ITGB1BP1: variants seen among roughly 807,000 people sequenced by gnomAD.
ITGB1BP1 encodes the protein integrin beta-1-binding protein 1.
In ITGB1BP1, 20 loss-of-function variants were observed where a neutral mutation model predicts 28.0. The ratio of observed to expected loss-of-function variants is 0.71; its 90% CI spans 0.50 to 1.04. The LOEUF is 1.04. ITGB1BP1 is among the 50% of genes least tolerant of loss of function. The pLI is 0.00. For missense variants in ITGB1BP1, 228 were observed against 242.5 expected (o/e 0.94, Z 0.40); for synonymous variants, 103 against 89.5 (o/e 1.15, Z -0.85).
rs1470863108 is a variant in ITGB1BP1, at chr2:9,407,665, C to T, written c.382-67G>A. ...AATGTTTGTCAGTCCTGATGACACA[C>T]CCTCCCAGGCAGAGTGAGGCTTGAA... On this transcript the variant is annotated intron_variant, in intron 5 of 6. Coordinates refer to ENST00000355346, the MANE Select transcript of ITGB1BP1 (RefSeq NM_004763.5). 1.5e-5 allele frequency: 24 copies of T among 1,562,382 alleles called. No homozygotes were observed. The East Asian group carries it at 2.0e-4, about 13-fold the overall frequency.
chr2:9,407,384 A>G (rs1394054236), intron 6 of ITGB1BP1, 65 bp downstream of exon 6: 2 of 1,565,970 alleles, frequency 1.3e-6, no homozygotes, highest in Middle Eastern at 1.7e-4. Flanking sequence ...CAGCCTTCAA[A>G]AACAGTAGTC....
chr2:9,421,924 C>T (rs2148920519), intron 1 of ITGB1BP1, among the ~76,000 whole-genome samples: 1 of 152,210 alleles, frequency 6.6e-6, no homozygotes, highest in East Asian at 1.9e-4. Context: ...AATCTGGCAC[C>T]AAGACCCACT....
Position 9,405,628 on chromosome 2 carries a change from TC to T in ITGB1BP1, c.*1205del, listed in dbSNP as rs1281752016. The stretch of plus-strand genomic sequence containing the variant: ...AGAGCATGTTTAATAAGTTTACTCT[TC>T]TTGTTAACTAGTCATTTGACTGGAA... On this transcript the variant is annotated 3_prime_UTR_variant, in exon 7 of 7. Transcript: ENST00000355346. 6.6e-6 allele frequency: 1 copy of T among 152,642 alleles called. No homozygotes were observed. The highest frequency in any genetic ancestry group is 1.9e-4 in the East Asian group (1 of 5,204). The allele number at this position is 152,642 out of a possible 1,614,324, so 9.5% of individuals were successfully genotyped here.
chr2:9,410,084 A>T (rs1678149768), intron 4 of ITGB1BP1, among the ~76,000 whole-genome samples: 1 of 152,000 alleles, frequency 6.6e-6, no homozygotes, highest in African/African-American at 2.4e-5. Context: ...TGACCTCATG[A>T]TTCACCCACC....
rs112706460 is a variant in ITGB1BP1, at chr2:9,406,359, G to A, written c.*475C>T. 4 of 1,042 alleles carry A rather than the reference G, an allele frequency of 3.8e-3. No individual in the cohort carries two copies. Among genetic ancestry groups the A allele is most frequent in the African/African-American group, 0.037 (3 of 80 alleles). 0.1% of individuals were successfully genotyped at this position (1,042 alleles called of 1,614,324 possible). On this transcript the variant is annotated 3_prime_UTR_variant, in exon 7 of 7. Coordinates refer to ENST00000355346, the MANE Select transcript of ITGB1BP1 (RefSeq NM_004763.5). ...ACATCTAGTCTTCCTCAGGCCTTCA[G>A]TGTGTGTTTGTCACTGAGTGGACCT... is the stretch of plus-strand genomic sequence containing the variant.
rs1217128743 is a variant in ITGB1BP1 at position 9,415,917 on chromosome 2, C to T, written c.73-1661G>A. Among the ~76,000 whole-genome samples the T allele has an allele frequency of 6.6e-6, 1 of 152,152 alleles. No individual in the cohort carries two copies. Among genetic ancestry groups the T allele is most frequent in the African/African-American group, 2.4e-5 (1 of 41,422 alleles). On this transcript the variant is annotated intron_variant, in intron 2 of 6. Transcript: ENST00000355346. The surrounding 1 kb of genome is among the most constrained non-coding windows in gnomAD (Gnocchi z 4.1). Reference sequence around the variant, plus strand: ...CGTGGCACATGTGGCACATGGGAGGCCCGGCAGGCACCCGGGATGAAAGGT... The same window carrying T: ...CGTGGCACATGTGGCACATGGGAGGTCCGGCAGGCACCCGGGATGAAAGGT...
Position 9,407,666 on chromosome 2 carries a change from C to T in ITGB1BP1, c.382-68G>A. On this transcript the variant is annotated intron_variant, in intron 5 of 6. Transcript: ENST00000355346. The stretch of plus-strand genomic sequence containing the variant: ...ATGTTTGTCAGTCCTGATGACACAC[C>T]CTCCCAGGCAGAGTGAGGCTTGAAA... 5 of 1,556,856 alleles carry T rather than the reference C, an allele frequency of 3.2e-6. No individual in the cohort carries two copies. In the South Asian group the frequency reaches 4.6e-5, roughly 14 times the overall value.
rs946177371 is a variant in ITGB1BP1, at chr2:9,405,698, T to C, written c.*1136A>G. On this transcript the variant is annotated 3_prime_UTR_variant, in exon 7 of 7. Transcript: ENST00000355346. ...AATGGACATGGTTTTATTTTTAATGTTTTTAATCTTTAAAGTTTTGTATAT... is the reference window on the plus strand; with the variant it reads ...AATGGACATGGTTTTATTTTTAATGCTTTTAATCTTTAAAGTTTTGTATAT... The C allele has an allele frequency of 6.6e-6, 1 of 152,380 alleles. No individual in the cohort carries two copies. The highest frequency in any genetic ancestry group is 1.5e-5 in the Non-Finnish European group (1 of 68,046). The allele number at this position is 152,380 out of a possible 1,614,324, so 9.4% of individuals were successfully genotyped here.
intron 4 of ITGB1BP1, 47 bp from the exon 5 acceptor site, chr2:9,408,252 TAGTCTTA>T (rs1558421697): frequency 8.6e-7 from 1 of 1,167,892 alleles, no homozygotes; most frequent in Non-Finnish European, 1.3e-6. Flanking sequence ...AATTACATAA[TAGTCTTA>T]AGTCTGACTA....
chr2:9,404,640 A>G lies in ITGB1BP1; in HGVS notation c.*2194T>C, dbSNP rs1677044154. Reference sequence around the variant, plus strand: ...AAAGTAAAGGAATAAATTTGCATATAGGCTTGGAAAGTGAGGCAGCAATGC... The same window carrying G: ...AAAGTAAAGGAATAAATTTGCATATGGGCTTGGAAAGTGAGGCAGCAATGC... On this transcript the variant is annotated 3_prime_UTR_variant, in exon 7 of 7. Coordinates refer to ENST00000355346, the MANE Select transcript of ITGB1BP1 (RefSeq NM_004763.5). 6.6e-6 allele frequency: 1 copy of G among 152,614 alleles called. No individual in the cohort carries two copies. The highest frequency in any genetic ancestry group is 6.5e-5 in the Admixed American group (1 of 15,278). 9.5% of individuals were successfully genotyped at this position (152,614 alleles called of 1,614,324 possible). A position where few individuals can be genotyped will look rare whatever the true frequency, so the allele number is the denominator to read the frequency against.
intron 3 of ITGB1BP1, among the ~76,000 whole-genome samples, chr2:9,412,968 C>T (rs1265366327): frequency 6.6e-6 from 1 of 152,292 alleles, no homozygotes; most frequent in East Asian, 1.9e-4. Context: ...TTTTTAATGT[C>T]GATGGAATAA....
rs529873290 is a variant in ITGB1BP1, at chr2:9,415,073, G to A, written c.73-817C>T. ...AGCCTGGCCAACATGGTGAAACCCC[G>A]TCTCTACTTAAAAAAAAAAATATGG... is the stretch of plus-strand genomic sequence containing the variant. On this transcript the variant is annotated intron_variant, in intron 2 of 6. Transcript: ENST00000355346. This position sits in a 1 kb window ranked among gnomAD's most constrained non-coding sequence, Gnocchi z 4.1. Among the ~76,000 whole-genome samples the A allele has an allele frequency of 5.9e-4, 89 of 151,214 alleles. No homozygotes were observed. Among genetic ancestry groups the A allele is most frequent in the African/African-American group, 1.9e-3 (77 of 41,172 alleles).
At chr2:9,421,686 C>CAAAAAA (rs200781388) in intron 1 of ITGB1BP1, among the ~76,000 whole-genome samples, 1 of 78,780 alleles carries the variant, frequency 1.3e-5, no homozygotes, top group African/African-American at 4.3e-5. Context: ...GACTCCGTCT[C>CAAAAAA]AAAAAAAAAA....
intron 1 of ITGB1BP1, chr2:9,422,897 T>G: frequency 1.0e-6 from 1 of 986,258 alleles, no homozygotes; most frequent in Non-Finnish European, 1.2e-6. Context: ...TAAGGACGGA[T>G]GCGGCCAAGC....
chr2:9,408,086 G>T, intron 5 of ITGB1BP1, 27 bp downstream of exon 5: 1 of 1,242,284 alleles, frequency 8.0e-7, no homozygotes, highest in African/African-American at 1.5e-5. Context: ...CTAAAACATA[G>T]TTTTCTTAAT....
At chr2:9,413,590 G>A (rs1558430606) in intron 3 of ITGB1BP1, among the ~76,000 whole-genome samples, 3 of 152,046 alleles carry the variant, frequency 2.0e-5, no homozygotes, top group Non-Finnish European at 4.4e-5. Flanking sequence ...TTGGACCCCC[G>A]AAGTGCTGGG....
Position 9,412,296 on chromosome 2 carries a change from G to T in ITGB1BP1, c.261C>A (p.Asp87Glu). ...SEGKGLEGPL[D>E]LINYIDVAQQ... Reference sequence around the variant, plus strand: ...GGGCAACGTCTATATAATTTATCAGGTCTAATGGCCCTTCAAGGCCTTTTC... The same window carrying T: ...GGGCAACGTCTATATAATTTATCAGTTCTAATGGCCCTTCAAGGCCTTTTC... Residue 87 changes from aspartate (D) to glutamate (E), a missense_variant, in exon 4 of 7, where the codon GAC (aspartate) becomes GAA (glutamate). Physicochemically the swap from Asp to Glu is conservative, Grantham distance 45. Coordinates refer to ENST00000355346, the MANE Select transcript of ITGB1BP1 (RefSeq NM_004763.5). The T allele has an allele frequency of 1.2e-6, 2 of 1,611,798 alleles. No individual in the cohort carries two copies. The highest frequency in any genetic ancestry group is 1.7e-6 in the Non-Finnish European group (2 of 1,178,908).
At chr2:9,414,277 T>C in intron 2 of ITGB1BP1, 21 bp from the exon 3 acceptor site, 1 of 1,597,370 alleles carries the variant, frequency 6.3e-7, no homozygotes, top group Non-Finnish European at 8.6e-7. Flanking sequence ...GAAAAACAAG[T>C]AAAAAACCTC....
intron 1 of ITGB1BP1, among the ~76,000 whole-genome samples, chr2:9,419,461 T>C (rs11690247): frequency 0.19 from 29,239 of 152,146 alleles, 3,004 homozygotes; most frequent in Middle Eastern, 0.3. Context: ...TGCATTTTTC[T>C]TGAAGTTTTG....
Sources: gnomAD v4.1 joint callset for allele counts (sites outside exome capture counted in the v4.1 genomes callset) on GRCh38, gnomAD v4.1.1 for gene constraint, Gnocchi (gnomAD v3.1) non-coding constraint, MANE v1.5 for transcripts, NCBI Gene and HGNC (gene_info 2026-07-23, HGNC 2026-07-21) for gene names.